Variants in FAM178B observed in about 807,000 individuals in gnomAD.
FAM178B encodes protein FAM178B.
FAM178B carries 82 observed loss-of-function variants against 91.7 expected under a neutral mutation model. The observed-to-expected ratio is 0.89, with a 90% CI of 0.75 to 1.07. The LOEUF is 1.07. FAM178B is among the 50% of genes least tolerant of loss of function. FAM178B has a pLI of 0.00. For missense variants in FAM178B, 769 were observed against 846.7 expected (o/e 0.91, Z 1.14); for synonymous variants, 368 against 359.4 (o/e 1.02, Z -0.27).
chr2:96,879,634 G>A (rs2080330721), intron 14 of FAM178B, among the ~76,000 whole-genome samples: 1 of 152,256 alleles, frequency 6.6e-6, no homozygotes, highest in Non-Finnish European at 1.5e-5. Flanking sequence ...ACCCTGCCTG[G>A]GACGCAGCCT....
intron 16 of FAM178B, 93 bp downstream of exon 16, chr2:96,877,797 G>T: frequency 7.6e-7 from 1 of 1,311,882 alleles, no homozygotes; most frequent in Non-Finnish European, 1.0e-6. Flanking sequence ...GAGCTCAGCA[G>T]CTGCAGCGGG....
In FAM178B at chr2:96,880,123, GCA is replaced by G. The variant is rs930066921; in HGVS notation, c.1777-1632_1777-1631del. ...CAGGAAATAACATACCTCTGCTTCT[GCA>G]CAGACCAAAAGGAGAAAGGGCCCTT... On this transcript the variant is annotated intron_variant, in intron 14 of 16. Transcript: ENST00000490605. Among the ~76,000 whole-genome samples, 5 of 152,244 alleles carry G rather than the reference GCA, an allele frequency of 3.3e-5. No individual in the cohort carries two copies. In the East Asian group the frequency reaches 7.7e-4, roughly 23 times the overall value.
At chr2:96,958,365 C>T (rs1034020744) in intron 6 of FAM178B, among the ~76,000 whole-genome samples, 7 of 152,128 alleles carry the variant, frequency 4.6e-5, no homozygotes, top group African/African-American at 1.4e-4. Context: ...CCACCACGTC[C>T]GGCCTGAATA....
intron 14 of FAM178B, among the ~76,000 whole-genome samples, chr2:96,892,993 C>T (rs1444632442): frequency 6.6e-6 from 1 of 152,224 alleles, no homozygotes; most frequent in Non-Finnish European, 1.5e-5. Context: ...CCACATGTTC[C>T]AGAAGAGGAG....
At chr2:96,923,415 C>T (rs896447781) in intron 10 of FAM178B, 75 bp downstream of exon 10, 1 of 1,170,268 alleles carries the variant, frequency 8.5e-7, no homozygotes, top group African/African-American at 1.5e-5. Context: ...CCGTGATGCT[C>T]CTGGAATTTA....
chr2:96,985,635 G>A (rs1160436526), intron 1 of FAM178B, among the ~76,000 whole-genome samples: 1 of 152,208 alleles, frequency 6.6e-6, no homozygotes, highest in African/African-American at 2.4e-5. Flanking sequence ...GAGCCAAGAT[G>A]AATTCAGAAT....
At chr2:96,937,142 G>A (rs2081646292) in intron 8 of FAM178B, among the ~76,000 whole-genome samples, 1 of 151,636 alleles carries the variant, frequency 6.6e-6, no homozygotes, top group Admixed American at 6.6e-5. Flanking sequence ...CAATCCTCCT[G>A]CCTCTGTCCT....
At position 96,923,494 on chromosome 2, in the gene FAM178B, T is replaced by C; in HGVS notation, c.1283A>G (p.Tyr428Cys). The change falls in exon 10 of 17, where the codon TAC (tyrosine) becomes TGC (cysteine). Residue 428 changes from tyrosine (Y) to cysteine (C), a missense_variant. Physicochemically the swap from Tyr to Cys is radical, Grantham distance 194 (BLOSUM62 -2). Coordinates refer to ENST00000490605, the MANE Select transcript of FAM178B (RefSeq NM_001122646.3). ...IALDISLGHI[Y>C]KFLALCAQAQ... is the part of the protein sequence containing the mutation. ...GAGGCAGGCGGCTTGACTCACCTTG[T>C]AGATGTGGCCCAGGCTGATGTCCAA... The C allele has an allele frequency of 6.4e-7, 1 of 1,551,324 alleles. No homozygotes were observed. Among genetic ancestry groups the C allele is most frequent in the Non-Finnish European group, 8.7e-7 (1 of 1,146,656 alleles).
intron 7 of FAM178B, chr2:96,950,117 G>T (rs924144071): frequency 1.7e-5 from 17 of 985,472 alleles, no homozygotes; most frequent in Middle Eastern, 5.2e-4. Context: ...AAACCGACAC[G>T]CCCCCGGGAA....
intron 5 of FAM178B, among the ~76,000 whole-genome samples, chr2:96,961,883 T>C (rs1331757150): frequency 6.6e-6 from 1 of 152,248 alleles, no homozygotes; most frequent in African/African-American, 2.4e-5. Flanking sequence ...GGGAGGACTC[T>C]GACCCTGCGG....
chr2:96,902,106 A>C (rs1321457335), intron 13 of FAM178B, among the ~76,000 whole-genome samples: 1 of 124,948 alleles, frequency 8.0e-6, no homozygotes, highest in Non-Finnish European at 1.6e-5. Flanking sequence ...AGCTTTTACT[A>C]CAATTTTTTT....
chr2:96,984,645 T>C (rs898805915), intron 1 of FAM178B, among the ~76,000 whole-genome samples: 5 of 152,234 alleles, frequency 3.3e-5, no homozygotes, highest in African/African-American at 7.2e-5. Flanking sequence ...AGTGATTATA[T>C]GGCATTCCAA....
At chr2:96,876,466 C>T (rs1279149282) in intron 16 of FAM178B, among the ~76,000 whole-genome samples, 158 bp from the exon 17 acceptor site, 1 of 152,336 alleles carries the variant, frequency 6.6e-6, no homozygotes, top group East Asian at 1.9e-4. Context: ...CTGGCGAGGA[C>T]ACAGCGGTCA....
chr2:96,931,452 T>C (rs1232316119), intron 8 of FAM178B, among the ~76,000 whole-genome samples: 2 of 152,040 alleles, frequency 1.3e-5, no homozygotes, highest in Non-Finnish European at 2.9e-5. Flanking sequence ...TTGGAGGTGG[T>C]GAGCGGACAA....
chr2:96,949,508 C>T (rs1239450224), intron 7 of FAM178B, among the ~76,000 whole-genome samples: 2 of 152,198 alleles, frequency 1.3e-5, no homozygotes, highest in Non-Finnish European at 2.9e-5. Flanking sequence ...AACCCTTCCC[C>T]ATCCCTGGGT....
intron 8 of FAM178B, among the ~76,000 whole-genome samples, chr2:96,947,046 G>T (rs943485820): frequency 6.6e-6 from 1 of 152,228 alleles, no homozygotes; most frequent in Non-Finnish European, 1.5e-5. Flanking sequence ...GGGGTGAGCA[G>T]CCTACAGCTG....
intron 8 of FAM178B, among the ~76,000 whole-genome samples, chr2:96,944,241 CA>C (rs397868752): frequency 0.079 from 4,513 of 57,008 alleles, 138 homozygotes; most frequent in African/African-American, 0.18. Context: ...GACTCCATCT[CA>C]AAAAAAAAAA....
chr2:96,977,614 A>G (rs1327011848), intron 1 of FAM178B, among the ~76,000 whole-genome samples: 3 of 152,036 alleles, frequency 2.0e-5, no homozygotes, highest in African/African-American at 4.8e-5. Context: ...GTCCATAGGG[A>G]TGGTAAGAAT....
chr2:96,885,878 C>T (rs1373073852), intron 14 of FAM178B, among the ~76,000 whole-genome samples: 2 of 152,168 alleles, frequency 1.3e-5, no homozygotes, highest in South Asian at 2.1e-4. Flanking sequence ...CGCCAGTACA[C>T]GTATACATCA....
Sources: allele counts gnomAD v4.1 joint callset (sites outside exome capture counted in the v4.1 genomes callset), GRCh38; gene constraint gnomAD v4.1.1; transcripts MANE v1.5; gene names NCBI Gene and HGNC (gene_info 2026-07-23, HGNC 2026-07-21).